NOS1AP: variants seen among roughly 807,000 people sequenced by gnomAD.
The protein encoded by NOS1AP is nitric oxide synthase 1 adaptor protein, also known as carboxyl-terminal PDZ ligand of neuronal nitric oxide synthase protein.
A neutral mutation model predicts 56.2 loss-of-function variants in NOS1AP; 21 were observed. The ratio of observed to expected loss-of-function variants is 0.37; its 90% confidence interval spans 0.26 to 0.54. The LOEUF is 0.54. Ranked by LOEUF, NOS1AP falls within the 20% of genes least tolerant of loss-of-function variation. The pLI is 0.84. For missense variants in NOS1AP, 522 were observed against 657.8 expected, an observed-to-expected ratio of 0.79 and a Z score of 2.26; for synonymous variants, 270 against 274.6, an observed-to-expected ratio of 0.98 and a Z score of 0.17.
chr1:162,197,089 G>A (rs1331677793), intron 2 of NOS1AP, among the ~76,000 whole-genome samples: 1 of 152,168 alleles, frequency 6.6e-6, no homozygotes, highest in African/African-American at 2.4e-5. Flanking sequence ...TCTGGCAAGG[G>A]CATCAAACAC....
intron 2 of NOS1AP, among the ~76,000 whole-genome samples, chr1:162,250,853 C>T (rs1388558871): frequency 6.6e-6 from 1 of 152,144 alleles, no homozygotes; most frequent in Non-Finnish European, 1.5e-5. Context: ...CAGCCAGACA[C>T]CTTTTTCTTG....
chr1:162,119,484 G>A (rs901003868), intron 1 of NOS1AP, among the ~76,000 whole-genome samples: 11 of 152,100 alleles, frequency 7.2e-5, no homozygotes, highest in African/African-American at 1.7e-4. Flanking sequence ...GGTTTACTCC[G>A]CATTCTATAA....
chr1:162,343,106 A>C (rs1657163119), intron 5 of NOS1AP, among the ~76,000 whole-genome samples: 1 of 152,214 alleles, frequency 6.6e-6, no homozygotes, highest in African/African-American at 2.4e-5. Flanking sequence ...TGGGTGGCCT[A>C]AGACTCTACA....
At chr1:162,311,308 T>A (rs189265270) in intron 4 of NOS1AP, among the ~76,000 whole-genome samples, 12 of 152,324 alleles carry the variant, frequency 7.9e-5, no homozygotes, top group Admixed American at 2.0e-4. Context: ...TCTCTTTTGT[T>A]TGCTTTCAAC....
chr1:162,290,875 G>A (rs1466178971), intron 3 of NOS1AP, among the ~76,000 whole-genome samples: 1 of 152,148 alleles, frequency 6.6e-6, no homozygotes, highest in South Asian at 2.1e-4. Context: ...GCCTCTCTCA[G>A]CTTCAACTGT....
rs1240465587 is a variant in NOS1AP, at chr1:162,367,141, C to A, written c.1195C>A (p.Leu399Met). 3 of 1,613,824 alleles carry A rather than the reference C, an allele frequency of 1.9e-6. No homozygotes were observed. Among genetic ancestry groups the A allele is most frequent in the Non-Finnish European group, 2.5e-6 (3 of 1,179,964 alleles). The change falls in exon 10 of 10, where the codon CTG becomes ATG. Residue 399 changes from leucine to methionine, a missense_variant. Physicochemically the swap from Leu to Met is conservative, Grantham distance 15. This residue lies in a region of NOS1AP where 160 missense variants were observed against 180.3 expected (regional missense o/e 0.89). Coordinates refer to ENST00000361897, the MANE Select transcript of NOS1AP (RefSeq NM_014697.3). The surrounding 1 kb of genome is among the most constrained non-coding windows in gnomAD (Gnocchi z 6.5). Reference protein sequence around the residue: ...CDPTTPKPEDLHSPPLGAGLA... With the variant: ...CDPTTPKPEDMHSPPLGAGLA... ...CCCCACGACCCCTAAGCCAGAGGAC[C>A]TGCATTCGCCGCCGCTGGGCGCGGG...
chr1:162,094,613 G>A (rs1692198438), intron 1 of NOS1AP, among the ~76,000 whole-genome samples: 5 of 152,182 alleles, frequency 3.3e-5, no homozygotes, highest in Admixed American at 3.3e-4. Flanking sequence ...GAACCTGGCT[G>A]GGAAGTGGAC....
intron 4 of NOS1AP, among the ~76,000 whole-genome samples, chr1:162,326,575 A>C (rs1021425429): frequency 1.4e-4 from 21 of 152,210 alleles, no homozygotes; most frequent in Admixed American, 1.3e-4. Context: ...GAGAAGTTCC[A>C]AGATCTGCAA....
chr1:162,353,303 G>A (rs533736898), intron 6 of NOS1AP, among the ~76,000 whole-genome samples: 12 of 152,194 alleles, frequency 7.9e-5, no homozygotes, highest in African/African-American at 2.4e-4. Context: ...CCCTCCCTAC[G>A]GGACCACTTG....
chr1:162,362,320 G>A (rs574231603), intron 8 of NOS1AP, among the ~76,000 whole-genome samples: 12 of 152,204 alleles, frequency 7.9e-5, no homozygotes, highest in Middle Eastern at 6.8e-3. Context: ...GTGTGGTGGC[G>A]GGCGCCAGTA....
chr1:162,255,125 G>A (rs760533216), intron 2 of NOS1AP, among the ~76,000 whole-genome samples: 5 of 152,072 alleles, frequency 3.3e-5, no homozygotes, highest in African/African-American at 9.7e-5. Flanking sequence ...CTGGGGCTGC[G>A]GAGTCAGGAG....
intron 2 of NOS1AP, among the ~76,000 whole-genome samples, chr1:162,211,717 G>A (rs1652354598): frequency 2.0e-5 from 3 of 152,016 alleles, no homozygotes; most frequent in Admixed American, 2.0e-4. Flanking sequence ...GAGACCCTGG[G>A]GGAGCCACTT....
intron 2 of NOS1AP, among the ~76,000 whole-genome samples, chr1:162,226,337 G>A (rs1437266556): frequency 6.6e-6 from 1 of 152,074 alleles, no homozygotes; most frequent in Non-Finnish European, 1.5e-5. Flanking sequence ...TAGGCCCTGG[G>A]GATTTAGCCT....
rs149426129 is a variant in NOS1AP, at chr1:162,248,552, A to G, written c.178-38792A>G. On this transcript the variant is annotated intron_variant, in intron 2 of 9. Coordinates refer to ENST00000361897, the MANE Select transcript of NOS1AP (RefSeq NM_014697.3). ...TAATATGCTCCGCTTTTACCTGAAA[A>G]AAGTTTGCAGCAGAGGAGAGGGGGC... is the stretch of plus-strand genomic sequence containing the variant. Among the ~76,000 whole-genome samples, 132 of 152,312 alleles carry G rather than the reference A, an allele frequency of 8.7e-4. 1 individual carries two copies. The highest frequency in any genetic ancestry group is 2.8e-3 in the African/African-American group (116 of 41,570).
intron 1 of NOS1AP, among the ~76,000 whole-genome samples, chr1:162,126,127 T>A (rs1295014787): frequency 6.6e-6 from 1 of 152,210 alleles, no homozygotes; most frequent in East Asian, 1.9e-4. Context: ...GTACATGGAT[T>A]TTTAACCTGA....
At chr1:162,216,328 G>T (rs1187652657) in intron 2 of NOS1AP, among the ~76,000 whole-genome samples, 7 of 152,338 alleles carry the variant, frequency 4.6e-5, no homozygotes, top group African/African-American at 1.7e-4. Flanking sequence ...TCTAGGCTGG[G>T]ACTGGAGGTT....
chr1:162,128,097 G>T (rs543211274), intron 1 of NOS1AP, among the ~76,000 whole-genome samples: 48 of 151,756 alleles, frequency 3.2e-4, no homozygotes, highest in African/African-American at 1.1e-3. Context: ...CAATTGCAGG[G>T]TATTAAGGAA....
At chr1:162,151,384 A>G (rs937382341) in intron 1 of NOS1AP, among the ~76,000 whole-genome samples, 3 of 152,164 alleles carry the variant, frequency 2.0e-5, no homozygotes, top group African/African-American at 4.8e-5. Context: ...GTACATGTGC[A>G]TGTTCTGTAG....
At chr1:162,084,420 A>G (rs1691960168) in intron 1 of NOS1AP, among the ~76,000 whole-genome samples, 1 of 152,156 alleles carries the variant, frequency 6.6e-6, no homozygotes, top group Non-Finnish European at 1.5e-5. Context: ...CTGATTCCAC[A>G]TGACAACCAC....
Sources: allele counts gnomAD v4.1 joint callset (sites outside exome capture counted in the v4.1 genomes callset), GRCh38; gene constraint gnomAD v4.1.1; regional missense constraint gnomAD v4.1.1; non-coding constraint Gnocchi (gnomAD v3.1); transcripts MANE v1.5; gene names NCBI Gene and HGNC (gene_info 2026-07-23, HGNC 2026-07-21).